Variants in PIK3R1 observed in about 807,000 individuals in gnomAD.
PIK3R1 encodes phosphoinositide-3-kinase regulatory subunit 1.
PIK3R1 carries 29 observed loss-of-function variants against 98.0 expected under a neutral mutation model. That is an observed-to-expected ratio of 0.30 (90% CI 0.22 to 0.40). The LOEUF is 0.40. PIK3R1 is among the 10% of genes least tolerant of loss of function. The pLI, the probability that PIK3R1 is intolerant of heterozygous loss-of-function variation, is 1.00. For synonymous variants in PIK3R1, 282 were observed against 311.8 expected (o/e 0.90, Z 1.01); for missense variants, 596 against 872.7 (o/e 0.68, Z 3.99).
chr5:68,234,437 G>T (rs1311777611), intron 2 of PIK3R1, among the ~76,000 whole-genome samples: 2 of 152,180 alleles, frequency 1.3e-5, no homozygotes, highest in Non-Finnish European at 2.9e-5. Context: ...CTCATTGCAC[G>T]ATCTGATTGG....
In PIK3R1 at chr5:68,296,348, A is replaced by G. The variant is rs781079021; in HGVS notation, c.1985+7A>G. 10 of 1,594,862 alleles carry G rather than the reference A, an allele frequency of 6.3e-6. No homozygotes were observed. The highest frequency in any genetic ancestry group is 8.6e-6 in the Non-Finnish European group (10 of 1,168,420). ...GCTATGCCTGCTCTGTAGTGTATGT[A>G]TCTCCAGCAAACTTTTCTTTACAAC... On this transcript the variant is annotated splice_region_variant and intron_variant, in intron 15 of 15. Coordinates refer to ENST00000521381, the MANE Select transcript of PIK3R1 (RefSeq NM_181523.3).
rs1561278246 is a variant in PIK3R1, at chr5:68,262,672, GAT to G, written c.335-10716_335-10715del. ...ATGTATCTGCATGTATACACATGTA[GAT>G]ACATGTATCTGCATGTATACACATG... On this transcript the variant is annotated intron_variant, in intron 2 of 15. Transcript: ENST00000521381. Among the ~76,000 whole-genome samples, 7 of 24,086 alleles carry G rather than the reference GAT, an allele frequency of 2.9e-4. 1 individual carries two copies. Among genetic ancestry groups the G allele is most frequent in the African/African-American group, 1.6e-3 (7 of 4,264 alleles). 15.8% of individuals were successfully genotyped at this position (24,086 alleles called of 152,430 possible).
In PIK3R1 at chr5:68,288,625, G is replaced by C. The variant is rs572987297; in HGVS notation, c.917-3634G>C. 57 of 1,582,680 alleles carry C rather than the reference G, an allele frequency of 3.6e-5. No homozygotes were observed. The East Asian group carries it at 1.3e-3, about 35-fold the overall frequency. ...GCCGGACACGAGCACTGCCTGCCGG[G>C]AACAGGCTGGGGGGAGGTGCGGGGG... On this transcript the variant is annotated intron_variant, in intron 7 of 15. Coordinates refer to ENST00000521381, the MANE Select transcript of PIK3R1 (RefSeq NM_181523.3).
intron 2 of PIK3R1, among the ~76,000 whole-genome samples, chr5:68,262,129 G>A (rs1745780087): frequency 6.6e-6 from 1 of 151,988 alleles, no homozygotes; most frequent in African/African-American, 2.4e-5. Context: ...TCTACAGATT[G>A]TTAACAGCGT....
At chr5:68,217,639 T>TGC (rs1382793195) in intron 1 of PIK3R1, 1 of 138,786 alleles carries the variant, frequency 7.2e-6, no homozygotes, top group African/African-American at 2.9e-5. Context: ...GGTGTGTGTG[T>TGC]GTGTGTGTGT....
intron 2 of PIK3R1, among the ~76,000 whole-genome samples, chr5:68,242,829 C>T (rs1744920057): frequency 6.6e-6 from 1 of 152,270 alleles, no homozygotes; most frequent in East Asian, 1.9e-4. Context: ...CCAGGGAAAG[C>T]CCCTGGTTTG....
intron 7 of PIK3R1, among the ~76,000 whole-genome samples, chr5:68,288,999 C>T (rs948480840): frequency 6.6e-6 from 1 of 152,036 alleles, no homozygotes; most frequent in Middle Eastern, 3.2e-3. Context: ...TGGTGCCAGG[C>T]CAGGGCTTGG....
chr5:68,284,418 G>A (rs1000606027), intron 7 of PIK3R1, among the ~76,000 whole-genome samples: 5 of 152,198 alleles, frequency 3.3e-5, no homozygotes, highest in Non-Finnish European at 5.9e-5. Context: ...GAGGGAGAAA[G>A]GTGCCTTTGT....
intron 2 of PIK3R1, among the ~76,000 whole-genome samples, chr5:68,270,203 T>C (rs1322297712): frequency 1.3e-5 from 2 of 152,176 alleles, no homozygotes; most frequent in African/African-American, 2.4e-5. Context: ...ATATAATGTT[T>C]TGTAGCTCAG....
In PIK3R1 at chr5:68,298,830, G is replaced by GTTTA. The variant is rs1747874712; in HGVS notation, c.*1233_*1236dup. The GTTTA allele has an allele frequency of 5.0e-6, 1 of 201,854 alleles. No individual in the cohort carries two copies. The highest frequency in any genetic ancestry group is 1.0e-5 in the Non-Finnish European group (1 of 100,496). The allele number at this position is 201,854 out of a possible 1,614,324, so 12.5% of individuals were successfully genotyped here. A position where few individuals can be genotyped will look rare whatever the true frequency, so the allele number is the denominator to read the frequency against. On this transcript the variant is annotated 3_prime_UTR_variant, in exon 16 of 16. Coordinates refer to ENST00000521381, the MANE Select transcript of PIK3R1 (RefSeq NM_181523.3). ...CTCTTAAAATACGGTACCTGGCAATGTTTATTTCATAAAGAATTGTGAACT... is the reference window on the plus strand; with the variant it reads ...CTCTTAAAATACGGTACCTGGCAATGTTTATTTATTTCATAAAGAATTGTGAACT...
At chr5:68,242,635 T>A (rs1744912809) in intron 2 of PIK3R1, among the ~76,000 whole-genome samples, 1 of 152,108 alleles carries the variant, frequency 6.6e-6, no homozygotes, top group South Asian at 2.1e-4. Context: ...CCCCAAGAGC[T>A]GTGATGGGAG....
In PIK3R1 at chr5:68,262,940, C is replaced by A. The variant is rs1473870361; in HGVS notation, c.335-10450C>A. Among the ~76,000 whole-genome samples the A allele has an allele frequency of 1.1e-4, 4 of 36,820 alleles. 1 individual carries two copies. The South Asian group carries it at 2.9e-3, about 27-fold the overall frequency. The allele number at this position is 36,820 out of a possible 152,430, so 24.2% of individuals were successfully genotyped here. ...ATGTAGATACATGTATACATATATA[C>A]ATGTAGATACATGTAGATACATGTA... is the stretch of plus-strand genomic sequence containing the variant. On this transcript the variant is annotated intron_variant, in intron 2 of 15. Transcript: ENST00000521381.
chr5:68,270,343 G>A (rs1431380456), intron 2 of PIK3R1, among the ~76,000 whole-genome samples: 1 of 152,086 alleles, frequency 6.6e-6, no homozygotes, highest in East Asian at 1.9e-4. Flanking sequence ...CTTTTGTATG[G>A]AGCATTTGCC....
In PIK3R1 at chr5:68,298,518, G is replaced by T; in HGVS notation, c.*917G>T. On this transcript the variant is annotated 3_prime_UTR_variant, in exon 16 of 16. Coordinates refer to ENST00000521381, the MANE Select transcript of PIK3R1 (RefSeq NM_181523.3). ...GAAAATATTGTTGTCCCGGATTTTT[G>T]TTAATATTCATTTTTGTTATCCTTT... is the stretch of plus-strand genomic sequence containing the variant. 4.3e-6 allele frequency: 1 copy of T among 232,292 alleles called. No homozygotes were observed. The highest frequency in any genetic ancestry group is 8.5e-6 in the Non-Finnish European group (1 of 117,564). 14.4% of individuals were successfully genotyped at this position (232,292 alleles called of 1,614,324 possible).
At chr5:68,234,857 G>T (rs1024782238) in intron 2 of PIK3R1, among the ~76,000 whole-genome samples, 1 of 152,116 alleles carries the variant, frequency 6.6e-6, no homozygotes, top group South Asian at 2.1e-4. Context: ...ACTGTCTGGG[G>T]TTGTCACTGT....
chr5:68,262,695 ACATGTAGATG>A lies in PIK3R1; in HGVS notation c.335-10678_335-10669del, dbSNP rs1160032823. 3.3e-3 allele frequency among the ~76,000 whole-genome samples: 112 copies of A among 33,546 alleles called. 8 individuals carry two copies. The highest frequency in any genetic ancestry group is 0.01 in the East Asian group (15 of 1,456). The allele number at this position is 33,546 out of a possible 152,430, so 22.0% of individuals were successfully genotyped here. A position where few individuals can be genotyped will look rare whatever the true frequency, so the allele number is the denominator to read the frequency against. The stretch of plus-strand genomic sequence containing the variant: ...TAGATACATGTATCTGCATGTATAC[ACATGTAGATG>A]CATGTAGATGCATGTATACATATAT... On this transcript the variant is annotated intron_variant, in intron 2 of 15. Transcript: ENST00000521381.
At chr5:68,265,801 T>C (rs1746099676) in intron 2 of PIK3R1, among the ~76,000 whole-genome samples, 1 of 152,112 alleles carries the variant, frequency 6.6e-6, no homozygotes, top group Non-Finnish European at 1.5e-5. Context: ...AATATGAAAA[T>C]GTTAATCGTA....
Position 68,295,128 on chromosome 5 carries a change from T to C in PIK3R1, c.1569-20T>C. ...CCTGATGTACCCAGATAATAACAAATACGTTTCTTTTGCCTGCAGGATTAT... is the reference window on the plus strand; with the variant it reads ...CCTGATGTACCCAGATAATAACAAACACGTTTCTTTTGCCTGCAGGATTAT... On this transcript the variant is annotated intron_variant, in intron 12 of 15. Transcript: ENST00000521381. 15 of 1,607,744 alleles carry C rather than the reference T, an allele frequency of 9.3e-6. No homozygotes were observed. The highest frequency in any genetic ancestry group is 1.2e-5 in the Non-Finnish European group (14 of 1,175,628).
intron 3 of PIK3R1, 185 bp from the exon 4 acceptor site, chr5:68,273,754 A>T (rs549400052): frequency 1.3e-5 from 8 of 632,704 alleles, no homozygotes; most frequent in African/African-American, 1.1e-4. Context: ...TAGAGGCCAG[A>T]TGGTTTTGCC....
Sources: gnomAD v4.1 joint callset for allele counts (sites outside exome capture counted in the v4.1 genomes callset) on GRCh38, gnomAD v4.1.1 for gene constraint, MANE v1.5 for transcripts, NCBI Gene and HGNC (gene_info 2026-07-23, HGNC 2026-07-21) for gene names.